The following MAN1A1 variants were observed in gnomAD, a reference collection of about 807,000 sequenced individuals.
The protein encoded by MAN1A1 is mannosidase alpha class 1A member 1.
Under a neutral mutation model 70.8 loss-of-function variants are expected in MAN1A1, and 29 were observed. That is an observed-to-expected ratio of 0.41 (90% confidence interval 0.31 to 0.56). The LOEUF (loss-of-function observed/expected upper bound fraction) is 0.56, where lower values mean the gene tolerates loss of function less well. Among genes scored for constraint, MAN1A1 ranks in the 20% least tolerant of loss-of-function variants. The pLI is 0.29. For missense variants in MAN1A1, 747 were observed against 841.3 expected (o/e 0.89, Z 1.39); for synonymous variants, 349 against 330.1 (o/e 1.06, Z -0.62).
intron 2 of MAN1A1, among the ~76,000 whole-genome samples, chr6:119,328,919 T>C (rs1773230045): frequency 6.6e-6 from 1 of 152,234 alleles, no homozygotes; most frequent in Non-Finnish European, 1.5e-5. Context: ...AAACCTTCCA[T>C]AATGAATATA....
intron 5 of MAN1A1, among the ~76,000 whole-genome samples, chr6:119,264,295 G>C (rs1281530685): frequency 6.6e-6 from 1 of 152,144 alleles, no homozygotes; most frequent in African/African-American, 2.4e-5. Context: ...CACTGAACTA[G>C]GTTAACTCAG....
chr6:119,214,707 T>C (rs1774148624), intron 6 of MAN1A1, among the ~76,000 whole-genome samples: 1 of 152,042 alleles, frequency 6.6e-6, no homozygotes, highest in Non-Finnish European at 1.5e-5. Context: ...GGTTTCACCA[T>C]GTTACCCAGG....
At chr6:119,216,853 T>C (rs1774219985) in intron 6 of MAN1A1, among the ~76,000 whole-genome samples, 1 of 152,250 alleles carries the variant, frequency 6.6e-6, no homozygotes, top group South Asian at 2.1e-4. Flanking sequence ...TACATGTTGT[T>C]GTATACTGTG....
At chr6:119,300,971 T>C (rs1772375258) in intron 4 of MAN1A1, among the ~76,000 whole-genome samples, 1 of 152,244 alleles carries the variant, frequency 6.6e-6, no homozygotes, top group Non-Finnish European at 1.5e-5. Flanking sequence ...TTACTGATCC[T>C]TAATATTCTA....
chr6:119,194,708 G>A (rs910733765), intron 8 of MAN1A1, among the ~76,000 whole-genome samples: 3 of 152,016 alleles, frequency 2.0e-5, no homozygotes, highest in Non-Finnish European at 4.4e-5. Flanking sequence ...AGGATATGGG[G>A]CAGAAGAAGA....
At chr6:119,210,253 T>C (rs1170799387) in intron 6 of MAN1A1, among the ~76,000 whole-genome samples, 1 of 152,158 alleles carries the variant, frequency 6.6e-6, no homozygotes, top group African/African-American at 2.4e-5. Flanking sequence ...TTGGGTAAGA[T>C]CTCCTTGCTA....
chr6:119,186,047 T>C (rs1421999736), intron 11 of MAN1A1, among the ~76,000 whole-genome samples: 5 of 151,996 alleles, frequency 3.3e-5, no homozygotes, highest in African/African-American at 1.2e-4. Flanking sequence ...CCTGCTGTCT[T>C]CGGATAATTG....
intron 5 of MAN1A1, among the ~76,000 whole-genome samples, chr6:119,290,396 C>T (rs1182779794): frequency 6.6e-6 from 1 of 151,980 alleles, no homozygotes; most frequent in Non-Finnish European, 1.5e-5. Flanking sequence ...TTTAATTTGT[C>T]CATAGGCACA....
chr6:119,347,997 A>C (rs1182191434), intron 2 of MAN1A1, among the ~76,000 whole-genome samples: 1 of 152,256 alleles, frequency 6.6e-6, no homozygotes, highest in Non-Finnish European at 1.5e-5. Flanking sequence ...AAGTACACAC[A>C]GAATGCCACC....
At chr6:119,233,258 T>C (rs972087622) in intron 6 of MAN1A1, among the ~76,000 whole-genome samples, 7 of 152,206 alleles carry the variant, frequency 4.6e-5, no homozygotes, top group Non-Finnish European at 7.3e-5. Flanking sequence ...GAAAACCACC[T>C]AAGAAAACCT....
intron 5 of MAN1A1, among the ~76,000 whole-genome samples, chr6:119,283,987 T>C (rs574288694): frequency 4.6e-5 from 7 of 152,176 alleles, no homozygotes; most frequent in Admixed American, 2.0e-4. Flanking sequence ...CCCTGTGTAC[T>C]GGCCTGTCAT....
chr6:119,225,922 T>C (rs1169834210), intron 6 of MAN1A1, among the ~76,000 whole-genome samples: 2 of 152,186 alleles, frequency 1.3e-5, no homozygotes, highest in African/African-American at 4.8e-5. Flanking sequence ...ATATTTAGGT[T>C]GCAGGGAATA....
At chr6:119,232,679 ATGTGTGTGTG>A (rs78960133) in intron 6 of MAN1A1, among the ~76,000 whole-genome samples, 4,433 of 143,470 alleles carry the variant, frequency 0.031, 80 homozygotes, top group Middle Eastern at 0.043. Context: ...ACACATATAT[ATGTGTGTGTG>A]TGTGTGTGTG....
At chr6:119,207,535 C>T (rs748418590) in intron 6 of MAN1A1, among the ~76,000 whole-genome samples, 3 of 152,116 alleles carry the variant, frequency 2.0e-5, no homozygotes, top group African/African-American at 7.2e-5. Flanking sequence ...TACCACATGC[C>T]GCCACAGCTG....
chr6:119,308,407 G>A (rs1443621596), intron 2 of MAN1A1, among the ~76,000 whole-genome samples: 1 of 152,048 alleles, frequency 6.6e-6, no homozygotes, highest in Non-Finnish European at 1.5e-5. Context: ...TAATTTTGTT[G>A]AGAAGTAAAA....
chr6:119,337,911 A>G (rs1330962541), intron 2 of MAN1A1, among the ~76,000 whole-genome samples: 6 of 152,172 alleles, frequency 3.9e-5, no homozygotes, highest in Non-Finnish European at 7.4e-5. Context: ...TTTTTACTAC[A>G]TAAAGTTCAT....
intron 5 of MAN1A1, among the ~76,000 whole-genome samples, chr6:119,284,585 A>G (rs1433758536): frequency 6.6e-6 from 1 of 152,082 alleles, no homozygotes; most frequent in Non-Finnish European, 1.5e-5. Flanking sequence ...AATTACTGAA[A>G]TATAGACTTA....
chr6:119,319,768 G>A (rs1315778015), intron 2 of MAN1A1, among the ~76,000 whole-genome samples: 1 of 152,064 alleles, frequency 6.6e-6, no homozygotes, highest in Non-Finnish European at 1.5e-5. Context: ...AACTGTAAAA[G>A]CCTAATGTTC....
chr6:119,177,898 C>A lies in MAN1A1; in HGVS notation c.*1921G>T, dbSNP rs968564150. On this transcript the variant is annotated 3_prime_UTR_variant, in exon 13 of 13. Coordinates refer to ENST00000368468, the MANE Select transcript of MAN1A1 (RefSeq NM_005907.4). ...AAAGAAAATGAGTTAATTTAAATGGCAAATTCAAGGACATTTATACAAACA... is the reference window on the plus strand; with the variant it reads ...AAAGAAAATGAGTTAATTTAAATGGAAAATTCAAGGACATTTATACAAACA... The A allele has an allele frequency of 1.3e-5, 2 of 152,034 alleles. No homozygotes were observed. The highest frequency in any genetic ancestry group is 2.4e-5 in the African/African-American group (1 of 41,436). The allele number at this position is 152,034 out of a possible 1,614,324, so 9.4% of individuals were successfully genotyped here. A position where few individuals can be genotyped will look rare whatever the true frequency, so the allele number is the denominator to read the frequency against.
Sources: gnomAD v4.1 joint callset for allele counts (sites outside exome capture counted in the v4.1 genomes callset) on GRCh38, gnomAD v4.1.1 for gene constraint, MANE v1.5 for transcripts, NCBI Gene and HGNC (gene_info 2026-07-23, HGNC 2026-07-21) for gene names.